Variants in CCDC150 observed in about 807,000 individuals in gnomAD.
The protein encoded by CCDC150 is coiled-coil domain-containing protein 150.
A neutral mutation model predicts 156.5 loss-of-function variants in CCDC150; 151 were observed. The ratio of observed to expected loss-of-function variants is 0.97; its 90% CI spans 0.85 to 1.10. The LOEUF (loss-of-function observed/expected upper bound fraction) is 1.10. CCDC150 is among the 50% of genes least tolerant of loss of function. CCDC150 has a pLI of 0.00. For missense variants in CCDC150, 1,312 were observed against 1,268.1 expected, an observed-to-expected ratio of 1.03 and a Z score of -0.53; for synonymous variants, 452 against 429.4, an observed-to-expected ratio of 1.05 and a Z score of -0.65.
At chr2:196,708,485 T>TCA (rs1298526820) in intron 15 of CCDC150, among the ~76,000 whole-genome samples, 1 of 152,178 alleles carries the variant, frequency 6.6e-6, no homozygotes, top group Non-Finnish European at 1.5e-5. Context: ...GTCTTTTAAT[T>TCA]GGGGCATTTA....
At chr2:196,724,776 G>A (rs898157689) in intron 21 of CCDC150, among the ~76,000 whole-genome samples, 3 of 152,208 alleles carry the variant, frequency 2.0e-5, no homozygotes, top group Middle Eastern at 3.4e-3. Flanking sequence ...TAAAAATGAT[G>A]GTTTTCTCTT....
At position 196,714,246 on chromosome 2, in the gene CCDC150, G is replaced by A. The variant is rs142805992; in HGVS notation, c.1866+1507G>A. Among the ~76,000 whole-genome samples the A allele has an allele frequency of 9.9e-4, 151 of 152,292 alleles. No individual in the cohort carries two copies. The East Asian group carries it at 0.019, about 19-fold the overall frequency. Reference sequence around the variant, plus strand: ...AGCGAAAGCAGGGATTTATTAAAACGATGAAAGAACTCCATAGGGTGTGGA... The same window carrying A: ...AGCGAAAGCAGGGATTTATTAAAACAATGAAAGAACTCCATAGGGTGTGGA... On this transcript the variant is annotated intron_variant, in intron 17 of 27. Coordinates refer to ENST00000389175, the MANE Select transcript of CCDC150 (RefSeq NM_001080539.2).
intron 1 of CCDC150, among the ~76,000 whole-genome samples, chr2:196,640,902 A>G (rs895421026): frequency 2.0e-5 from 3 of 152,222 alleles, no homozygotes; most frequent in African/African-American, 4.8e-5. Context: ...ATAGACCTCC[A>G]GTGACTCTGA....
chr2:196,730,180 G>C (rs1361356276), intron 25 of CCDC150, 62 bp downstream of exon 25: 2 of 1,456,470 alleles, frequency 1.4e-6, no homozygotes, highest in Admixed American at 4.6e-5. Context: ...CCAAAGCCCA[G>C]TAGTTTTGCA....
intron 2 of CCDC150, among the ~76,000 whole-genome samples, chr2:196,652,240 G>A (rs1235501178): frequency 6.6e-6 from 1 of 152,158 alleles, no homozygotes; most frequent in Non-Finnish European, 1.5e-5. Context: ...GCTTATTCCA[G>A]CGTTAATTCA....
At chr2:196,718,421 TA>T in intron 17 of CCDC150, 81 bp from the exon 18 acceptor site, 1 of 1,118,422 alleles carries the variant, frequency 8.9e-7, no homozygotes, top group Non-Finnish European at 1.3e-6. Flanking sequence ...TTTAAACATT[TA>T]AAATTTGGTT....
rs1214191495 is a variant in CCDC150 at position 196,656,727 on chromosome 2, G to T, written c.271G>T (p.Asp91Tyr). The T allele has an allele frequency of 6.2e-7, 1 of 1,613,782 alleles. No individual in the cohort carries two copies. Among genetic ancestry groups the T allele is most frequent in the South Asian group, 1.1e-5 (1 of 91,068 alleles). ...QNEAICAGKTDILWKNCEFLV... is the reference protein window; with the variant it reads ...QNEAICAGKTYILWKNCEFLV... ...TGAAGCAATTTGTGCAGGAAAAACA[G>T]ATATTTTATGGAAGAACTGTGAGTT... The change falls in exon 3 of 28, where the codon GAT (aspartate) becomes TAT (tyrosine). Residue 91 changes from aspartate to tyrosine, a missense_variant. Physicochemically the swap from Asp to Tyr is radical, Grantham distance 160. Coordinates refer to ENST00000389175, the MANE Select transcript of CCDC150 (RefSeq NM_001080539.2).
intron 15 of CCDC150, among the ~76,000 whole-genome samples, chr2:196,703,355 A>G (rs773906849): frequency 6.6e-5 from 10 of 152,194 alleles, no homozygotes; most frequent in Non-Finnish European, 1.5e-4. Context: ...AAAGAACTAC[A>G]ATAAAAAGAA....
At chr2:196,657,504 T>C (rs1559219288) in intron 4 of CCDC150, 2 of 197,626 alleles carry the variant, frequency 1.0e-5, no homozygotes, top group East Asian at 1.3e-4. Flanking sequence ...CAGAATAGGA[T>C]AGGACAAAAA....
intron 14 of CCDC150, among the ~76,000 whole-genome samples, chr2:196,697,040 G>A (rs1340110311): frequency 1.3e-5 from 2 of 152,154 alleles, no homozygotes; most frequent in Non-Finnish European, 1.5e-5. Context: ...ATCCATATCA[G>A]AATAATTACT....
chr2:196,654,535 C>G (rs1356583711), intron 2 of CCDC150, among the ~76,000 whole-genome samples: 6 of 151,884 alleles, frequency 4.0e-5, no homozygotes, highest in African/African-American at 1.5e-4. Flanking sequence ...CCATTGAACC[C>G]CTCTATTGAA....
chr2:196,725,966 A>C lies in CCDC150; in HGVS notation c.2430-7A>C. On this transcript the variant is annotated splice_region_variant and splice_polypyrimidine_tract_variant and intron_variant, in intron 21 of 27. Coordinates refer to ENST00000389175, the MANE Select transcript of CCDC150 (RefSeq NM_001080539.2). ...AGGTGACTTATCACCTCTCTTCTTC[A>C]AAACAGAGACCGGATGACTGAAGAG... The C allele has an allele frequency of 6.3e-7, 1 of 1,587,976 alleles. No individual in the cohort carries two copies. The highest frequency in any genetic ancestry group is 8.6e-7 in the Non-Finnish European group (1 of 1,166,424).
At chr2:196,708,203 A>G (rs1053868677) in intron 15 of CCDC150, among the ~76,000 whole-genome samples, 2 of 152,128 alleles carry the variant, frequency 1.3e-5, no homozygotes, top group African/African-American at 4.8e-5. Flanking sequence ...TATTGGGTGT[A>G]TATATATTTA....
At chr2:196,672,293 T>C (rs1261478572) in intron 8 of CCDC150, 52 bp from the exon 9 acceptor site, 3 of 863,140 alleles carry the variant, frequency 3.5e-6, no homozygotes, top group African/African-American at 3.5e-5. Context: ...TTTATAGGGG[T>C]GCACATAGTA....
At chr2:196,719,243 A>G (rs1559273440) in intron 18 of CCDC150, 2 of 288,276 alleles carry the variant, frequency 6.9e-6, no homozygotes, top group Non-Finnish European at 1.3e-5. Context: ...TCTCTGGTTA[A>G]TGTGTATGCT....
intron 5 of CCDC150, among the ~76,000 whole-genome samples, chr2:196,661,977 T>C (rs1376943628): frequency 1.3e-5 from 2 of 152,180 alleles, no homozygotes; most frequent in African/African-American, 4.8e-5. Context: ...TTGAATCACA[T>C]TTGACAGTAA....
chr2:196,639,886 G>A, intron 1 of CCDC150, 108 bp downstream of exon 1: 2 of 1,005,172 alleles, frequency 2.0e-6, no homozygotes, highest in Non-Finnish European at 2.7e-6. Context: ...TGTCCTGACG[G>A]AGTCCAGTCT....
intron 20 of CCDC150, among the ~76,000 whole-genome samples, 198 bp downstream of exon 20, chr2:196,720,866 A>G (rs1253478799): frequency 6.6e-6 from 1 of 152,168 alleles, no homozygotes; most frequent in East Asian, 1.9e-4. Context: ...CAGTACCACA[A>G]TAATGACTAA....
At chr2:196,718,438 A>G in intron 17 of CCDC150, 65 bp from the exon 18 acceptor site, 2 of 1,345,700 alleles carry the variant, frequency 1.5e-6, no homozygotes, top group South Asian at 1.5e-5. Context: ...TGGTTTCTAA[A>G]TTTCTATGTC....
Sources: allele counts gnomAD v4.1 joint callset (sites outside exome capture counted in the v4.1 genomes callset), GRCh38; gene constraint gnomAD v4.1.1; transcripts MANE v1.5; gene names NCBI Gene and HGNC (gene_info 2026-07-23, HGNC 2026-07-21).